The following TJP2 variants were observed in gnomAD, a reference collection of about 807,000 sequenced individuals.
The protein encoded by TJP2 is tight junction protein 2.
In TJP2, 91 loss-of-function variants were observed where a neutral mutation model predicts 133.1. The ratio of observed to expected loss-of-function variants is 0.68; its 90% CI spans 0.58 to 0.81. The LOEUF is 0.81. Among genes scored for constraint, TJP2 ranks in the 40% least tolerant of loss-of-function variants. The pLI is 0.00. For missense variants in TJP2, 1,541 were observed against 1,565.6 expected (o/e 0.98, Z 0.26); for synonymous variants, 592 against 583.4 (o/e 1.01, Z -0.21).
At position 69,218,495 on chromosome 9, in the gene TJP2, T is replaced by C. The variant is rs1828559718; in HGVS notation, c.342+136T>C. On this transcript the variant is annotated intron_variant, in intron 4 of 22. Transcript: ENST00000377245. ...CGCTGTTCTTGGATCCTCAGTACTT[T>C]TGGAGGGGTGTGAAGATATGTGTAA... 20 of 726,360 alleles carry C rather than the reference T, an allele frequency of 2.8e-5. No individual in the cohort carries two copies. In the South Asian group the frequency reaches 3.0e-4, roughly 11 times the overall value. The allele number at this position is 726,360 out of a possible 1,614,324, so 45.0% of individuals were successfully genotyped here. A position where few individuals can be genotyped will look rare whatever the true frequency, so the allele number is the denominator to read the frequency against.
chr9:69,249,243 A>G, intron 19 of TJP2, 132 bp from the exon 20 acceptor site: 3 of 1,507,674 alleles, frequency 2.0e-6, no homozygotes, highest in South Asian at 1.3e-5. Flanking sequence ...CTGCCTGTTC[A>G]GTAAAGAAGC....
At chr9:69,234,653 T>G (rs1009173098) in intron 12 of TJP2, 106 bp downstream of exon 12, 2 of 828,020 alleles carry the variant, frequency 2.4e-6, no homozygotes, top group African/African-American at 3.4e-5. Flanking sequence ...ATTAAAAAAT[T>G]GAGATGGATC....
intron 1 of TJP2, among the ~76,000 whole-genome samples, chr9:69,125,525 C>T (rs574433952): frequency 1.4e-5 from 1 of 74,070 alleles, no homozygotes; most frequent in African/African-American, 4.1e-5. Flanking sequence ...TCTTGAACTC[C>T]TGGCCTCAAG....
At chr9:69,136,718 C>G (rs571807843) in intron 1 of TJP2, among the ~76,000 whole-genome samples, 1 of 152,080 alleles carries the variant, frequency 6.6e-6, no homozygotes, top group Admixed American at 6.6e-5. Context: ...AAAAACTCAG[C>G]CCATGAGGGA....
intron 1 of TJP2, among the ~76,000 whole-genome samples, chr9:69,205,489 C>T (rs1827329126): frequency 6.6e-6 from 1 of 152,150 alleles, no homozygotes; most frequent in Non-Finnish European, 1.5e-5. Flanking sequence ...TGCTGTTTTC[C>T]ATGTGCTAGG....
chr9:69,249,929 C>T (rs532036457), intron 20 of TJP2, among the ~76,000 whole-genome samples: 19 of 152,158 alleles, frequency 1.2e-4, no homozygotes, highest in Non-Finnish European at 2.2e-4. Flanking sequence ...CTTACAATGC[C>T]TCTCATTAAG....
chr9:69,252,790 T>C (rs1373094646), intron 21 of TJP2, 25 bp from the exon 22 acceptor site: 2 of 1,609,796 alleles, frequency 1.2e-6, no homozygotes, highest in Admixed American at 1.7e-5. Context: ...TTCACTCTTA[T>C]TCTTTTCTTT....
At chr9:69,251,768 C>T (rs1346404957) in intron 21 of TJP2, among the ~76,000 whole-genome samples, 3 of 152,028 alleles carry the variant, frequency 2.0e-5, no homozygotes, top group Non-Finnish European at 4.4e-5. Context: ...ATAGATTGTA[C>T]TTTTTGAGCT....
chr9:69,248,518 G>T, intron 19 of TJP2: 1 of 1,291,994 alleles, frequency 7.7e-7, no homozygotes, highest in Non-Finnish European at 9.8e-7. Context: ...AATTACCAGC[G>T]GAACCTTCCT....
rs372689368 is a variant in TJP2, at chr9:69,248,244, G to A, written c.2880+20G>A. ...GAGGAGGTGAGGCGAGGCAGGCCACGGGCAGGAACAGGAGAGCCTGGTGTT... is the reference window on the plus strand; with the variant it reads ...GAGGAGGTGAGGCGAGGCAGGCCACAGGCAGGAACAGGAGAGCCTGGTGTT... On this transcript the variant is annotated intron_variant, in intron 19 of 22. Coordinates refer to ENST00000377245, the MANE Select transcript of TJP2 (RefSeq NM_004817.4). The A allele has an allele frequency of 1.1e-5, 17 of 1,570,128 alleles. No homozygotes were observed. In the African/African-American group the frequency reaches 1.1e-4, roughly 10 times the overall value.
intron 1 of TJP2, among the ~76,000 whole-genome samples, chr9:69,210,737 G>C (rs1827832456): frequency 8.5e-6 from 1 of 117,738 alleles, no homozygotes; most frequent in African/African-American, 3.1e-5. Context: ...CAGGTATTTT[G>C]AGTTCTTTTT....
intron 5 of TJP2, among the ~76,000 whole-genome samples, chr9:69,224,062 A>G (rs906754963): frequency 6.6e-6 from 1 of 152,226 alleles, no homozygotes; most frequent in Non-Finnish European, 1.5e-5. Flanking sequence ...ATTAAGTAAA[A>G]CCAGAAGAGT....
intron 1 of TJP2, among the ~76,000 whole-genome samples, chr9:69,176,421 C>T (rs1825093862): frequency 6.6e-6 from 1 of 152,124 alleles, no homozygotes; most frequent in Non-Finnish European, 1.5e-5. Context: ...GTAGGAGGTG[C>T]CAGGTAGGTG....
rs923731943 is a variant in TJP2, at chr9:69,237,369, G to T, written c.2179+233G>T. ...AAAATGTTTTAATACCACTGTTCAA[G>T]AGTTTCGGTATATTGGCTGGGCACT... On this transcript the variant is annotated intron_variant, in intron 14 of 22. Coordinates refer to ENST00000377245, the MANE Select transcript of TJP2 (RefSeq NM_004817.4). 3.3e-5 allele frequency among the ~76,000 whole-genome samples: 5 copies of T among 152,184 alleles called. 1 individual carries two copies. Among genetic ancestry groups the T allele is most frequent in the Non-Finnish European group, 7.3e-5 (5 of 68,036 alleles).
chr9:69,167,376 A>G (rs866672288), intron 2 of TJP2, among the ~76,000 whole-genome samples: 7 of 152,362 alleles, frequency 4.6e-5, no homozygotes, highest in Non-Finnish European at 8.8e-5. Flanking sequence ...AATGTCGAAG[A>G]CAGGTATTAG....
chr9:69,148,621 C>T (rs576043234), intron 1 of TJP2, among the ~76,000 whole-genome samples: 3 of 151,368 alleles, frequency 2.0e-5, no homozygotes, highest in East Asian at 2.0e-4. Flanking sequence ...CCACCCGCCT[C>T]GGCCTCCCAA....
chr9:69,207,308 C>CT (rs1156834842), intron 1 of TJP2, among the ~76,000 whole-genome samples: 1 of 152,170 alleles, frequency 6.6e-6, no homozygotes, highest in Non-Finnish European at 1.5e-5. Flanking sequence ...TGGTATCACA[C>CT]TCTACAAATC....
intron 1 of TJP2, among the ~76,000 whole-genome samples, chr9:69,202,659 G>A (rs950786812): frequency 7.9e-5 from 12 of 152,196 alleles, no homozygotes; most frequent in African/African-American, 2.7e-4. Context: ...CTAAGTGGAA[G>A]TGGATAGTCC....
At chr9:69,161,135 T>C (rs1420842514) in intron 2 of TJP2, among the ~76,000 whole-genome samples, 1 of 152,144 alleles carries the variant, frequency 6.6e-6, no homozygotes, top group African/African-American at 2.4e-5. Flanking sequence ...GGATGGGAAG[T>C]ATCTGAAGTC....
Sources: allele counts gnomAD v4.1 joint callset (sites outside exome capture counted in the v4.1 genomes callset), GRCh38; gene constraint gnomAD v4.1.1; transcripts MANE v1.5; gene names NCBI Gene and HGNC (gene_info 2026-07-23, HGNC 2026-07-21).